Variants in OR2A7 observed in about 807,000 individuals in gnomAD.
OR2A7 encodes olfactory receptor family 2 subfamily A member 7.
For missense variants in OR2A7, 35 were observed against 359.2 expected (o/e 0.10, Z 7.30); for synonymous variants, 10 against 147.1 (o/e 0.07, Z 6.74).
intron 1 of OR2A7, 96 bp from the exon 2 acceptor site, chr7:144,259,728 A>G: frequency 4.1e-6 from 3 of 728,840 alleles, no homozygotes; most frequent in South Asian, 3.6e-5. Flanking sequence ...GGTGAAGTAG[A>G]AAAGTGTTCA....
intron 1 of OR2A7, 73 bp from the exon 2 acceptor site, chr7:144,259,705 T>C: frequency 1.2e-6 from 1 of 859,754 alleles, no homozygotes; most frequent in South Asian, 1.7e-5. Context: ...TTTTAACTTG[T>C]TCGGCACTCT....
intron 1 of OR2A7, among the ~76,000 whole-genome samples, 174 bp downstream of exon 1, chr7:144,264,527 C>T (rs1436685877): frequency 4.6e-5 from 7 of 152,074 alleles, no homozygotes; most frequent in Admixed American, 4.0e-4. Flanking sequence ...TCCCAAAGTA[C>T]TGAGATTACA....
intron 1 of OR2A7, among the ~76,000 whole-genome samples, chr7:144,260,622 AG>A (rs1299722962): frequency 6.6e-6 from 1 of 151,968 alleles, no homozygotes; most frequent in Non-Finnish European, 1.5e-5. Flanking sequence ...TTCTTATCCA[AG>A]TGTAAAGACT....
chr7:144,264,122 G>A (rs1340000698), intron 1 of OR2A7, among the ~76,000 whole-genome samples: 1 of 151,472 alleles, frequency 6.6e-6, no homozygotes, highest in East Asian at 1.9e-4. Flanking sequence ...TAATAATATT[G>A]TAGCACAATG....
rs2052591800 is a variant in OR2A7, at chr7:144,258,718, AG to A, written c.910del (p.Leu304TrpfsTer3). 6.4e-7 allele frequency: 1 copy of A among 1,562,840 alleles called. No individual in the cohort carries two copies. The highest frequency in any genetic ancestry group is 1.7e-5 in the Admixed American group (1 of 57,458). The stretch of plus-strand genomic sequence containing the variant: ...TTTTCATAAAGCCCTTTCTACTCCC[AG>A]CACTCTCTTCAAAGTATTCTTCACT... ...SEVKNTLKRV[L>X]GVERAL On this transcript the variant is annotated frameshift_variant, in exon 2 of 2. Transcript: ENST00000641841. LOFTEE classifies it low-confidence loss of function (END_TRUNC).
intron 1 of OR2A7, among the ~76,000 whole-genome samples, chr7:144,260,193 T>C (rs1298668004): frequency 1.4e-5 from 2 of 142,060 alleles, no homozygotes; most frequent in Admixed American, 7.2e-5. Flanking sequence ...GTTAATTTTT[T>C]AATAAAGGCT....
chr7:144,264,453 G>T (rs1455044702), intron 1 of OR2A7, among the ~76,000 whole-genome samples: 2 of 151,854 alleles, frequency 1.3e-5, no homozygotes, highest in Non-Finnish European at 2.9e-5. Flanking sequence ...TAGAGATGGG[G>T]TTTCACCATG....
At chr7:144,261,436 G>A (rs1438389244) in intron 1 of OR2A7, among the ~76,000 whole-genome samples, 1 of 151,194 alleles carries the variant, frequency 6.6e-6, no homozygotes, top group East Asian at 1.9e-4. Context: ...CCAGGCATTT[G>A]AAACCAGCCT....
At position 144,257,789 on chromosome 7, in the gene OR2A7, T is replaced by C. The variant is rs62484790; in HGVS notation, c.*907A>G. 24,582 of 134,136 alleles carry C rather than the reference T, an allele frequency of 0.18. 382 individuals carry two copies. The highest frequency in any genetic ancestry group is 0.34 in the East Asian group (1,454 of 4,216). 8.3% of individuals were successfully genotyped at this position (134,136 alleles called of 1,614,324 possible). Reference sequence around the variant, plus strand: ...AAAACCCTGAATTAGAAAAATTAGATTGATTTCATTCAGCGGCAAACACAG... The same window carrying C: ...AAAACCCTGAATTAGAAAAATTAGACTGATTTCATTCAGCGGCAAACACAG... On this transcript the variant is annotated 3_prime_UTR_variant, in exon 2 of 2. Coordinates refer to ENST00000641841, the MANE Select transcript of OR2A7 (RefSeq NM_001005328.2).
chr7:144,260,240 C>A, intron 1 of OR2A7, among the ~76,000 whole-genome samples: 1 of 141,646 alleles, frequency 7.1e-6, no homozygotes, highest in Non-Finnish European at 1.6e-5. Flanking sequence ...ATTAATATAT[C>A]CTTTTGGTCT....
chr7:144,259,527 G>A lies in OR2A7; in HGVS notation c.102C>T (p.Tyr34=), dbSNP rs1192755052. 1.6e-5 allele frequency: 25 copies of A among 1,599,894 alleles called. 1 individual carries two copies. In the African/African-American group the frequency reaches 2.2e-4, roughly 14 times the overall value. ...MLLFGLFSLF[Y]VFTLLGNGTI... ...TCCCGTTCCCCAGCAGGGTGAAGACGTAGAACAGGGAGAAGAGCCCAAAGA... is the reference window on the plus strand; with the variant it reads ...TCCCGTTCCCCAGCAGGGTGAAGACATAGAACAGGGAGAAGAGCCCAAAGA... The change falls in exon 2 of 2, where the codon TAC becomes TAT. Residue 34 remains tyrosine (Y), a synonymous_variant. Coordinates refer to ENST00000641841, the MANE Select transcript of OR2A7 (RefSeq NM_001005328.2).
intron 1 of OR2A7, among the ~76,000 whole-genome samples, chr7:144,261,984 C>A (rs1485787907): frequency 1.3e-5 from 2 of 151,870 alleles, no homozygotes; most frequent in Non-Finnish European, 2.9e-5. Context: ...TGAGAAATGC[C>A]AAGGAAGGAT....
At chr7:144,260,106 C>A (rs2128825548) in intron 1 of OR2A7, among the ~76,000 whole-genome samples, 1 of 80,406 alleles carries the variant, frequency 1.2e-5, no homozygotes, top group Non-Finnish European at 2.2e-5. Flanking sequence ...CAGACTCTGT[C>A]TCCAGAAAAA....
chr7:144,260,342 C>T (rs2052628825), intron 1 of OR2A7, among the ~76,000 whole-genome samples: 1 of 150,686 alleles, frequency 6.6e-6, no homozygotes, highest in Non-Finnish European at 1.5e-5. Context: ...TGAGCTATCT[C>T]ATATCCTTCA....
intron 1 of OR2A7, among the ~76,000 whole-genome samples, chr7:144,260,373 G>C (rs2052629099): frequency 1.3e-5 from 2 of 149,596 alleles, no homozygotes; most frequent in South Asian, 4.2e-4. Context: ...TCTTTTCCTT[G>C]GTCGTATTAT....
At chr7:144,260,111 G>GAA (rs1162605720) in intron 1 of OR2A7, among the ~76,000 whole-genome samples, 2,952 of 85,986 alleles carry the variant, frequency 0.034, 2 homozygotes, top group Non-Finnish European at 0.051. Context: ...TCTGTCTCCA[G>GAA]AAAAAAAAAA....
intron 1 of OR2A7, among the ~76,000 whole-genome samples, chr7:144,260,228 ATAT>A (rs2052626472): frequency 7.0e-6 from 1 of 142,546 alleles, no homozygotes; most frequent in African/African-American, 2.5e-5. Context: ...AACGTGTCAC[ATAT>A]TAATATATCC....
At position 144,264,780 on chromosome 7, in the gene OR2A7, A is replaced by C. The variant is rs1166234721; in HGVS notation, c.-84T>G. 12 of 151,746 alleles carry C rather than the reference A, an allele frequency of 7.9e-5. No individual in the cohort carries two copies. The highest frequency in any genetic ancestry group is 1.2e-4 in the Non-Finnish European group (8 of 67,988). 9.4% of individuals were successfully genotyped at this position (151,746 alleles called of 1,614,324 possible). On this transcript the variant is annotated 5_prime_UTR_variant, in exon 1 of 2. Transcript: ENST00000641841. ...TTCTCAGAACGTATCCGCATCATTAAACAACACGTGATTGTATAGTGTTAG... is the reference window on the plus strand; with the variant it reads ...TTCTCAGAACGTATCCGCATCATTACACAACACGTGATTGTATAGTGTTAG...
intron 1 of OR2A7, among the ~76,000 whole-genome samples, chr7:144,261,944 C>T (rs1351278735): frequency 6.6e-6 from 1 of 151,936 alleles, no homozygotes; most frequent in African/African-American, 2.4e-5. Flanking sequence ...GCTGAGTTTA[C>T]TGATGGTGCT....
Sources: allele counts gnomAD v4.1 joint callset (sites outside exome capture counted in the v4.1 genomes callset), GRCh38; gene constraint gnomAD v4.1.1; transcripts MANE v1.5; gene names NCBI Gene and HGNC (gene_info 2026-07-23, HGNC 2026-07-21).